POLD3: variants seen among roughly 807,000 people sequenced by gnomAD.
POLD3 encodes the protein DNA polymerase delta 3, accessory subunit.
In POLD3, 19 loss-of-function variants were observed where a neutral mutation model predicts 58.2. The observed-to-expected ratio is 0.33, with a 90% CI of 0.23 to 0.48. The LOEUF (loss-of-function observed/expected upper bound fraction) is 0.48. POLD3 is among the 20% of genes least tolerant of loss of function. POLD3 has a pLI of 0.99. For synonymous variants in POLD3, 172 were observed against 193.5 expected (o/e 0.89, Z 0.92); for missense variants, 504 against 545.5 (o/e 0.92, Z 0.76).
At chr11:74,634,978 T>G (rs1209529488) in intron 10 of POLD3, among the ~76,000 whole-genome samples, 1 of 152,168 alleles carries the variant, frequency 6.6e-6, no homozygotes, top group African/African-American at 2.4e-5. Context: ...GCTGTACAGC[T>G]CCTGTTAGAA....
rs7112403 is a variant in POLD3, at chr11:74,637,193, T to C, written c.1198+918T>C. On this transcript the variant is annotated intron_variant, in intron 11 of 11. Transcript: ENST00000263681. ...TAGTTCAGACTTGTTTTGAAAAGAT[T>C]GGCTCTGAAGAATCAACCTTTCCAG... Among the ~76,000 whole-genome samples the C allele has an allele frequency of 9.3e-3, 1,412 of 152,272 alleles. 27 individuals are homozygous for C. Among genetic ancestry groups the C allele is most frequent in the African/African-American group, 0.032 (1,334 of 41,550 alleles).
chr11:74,601,406 C>T lies in POLD3; in HGVS notation c.117-3286C>T, dbSNP rs116904063. ...AGGTGTTAACAGTCTAGAGGGGATGCGTCATATGTAAAATAAATAGTTAGA... is the reference window on the plus strand; with the variant it reads ...AGGTGTTAACAGTCTAGAGGGGATGTGTCATATGTAAAATAAATAGTTAGA... On this transcript the variant is annotated intron_variant, in intron 2 of 11. Transcript: ENST00000263681. Among the ~76,000 whole-genome samples the T allele has an allele frequency of 6.2e-3, 944 of 152,150 alleles. 4 individuals are homozygous for T. The highest frequency in any genetic ancestry group is 0.014 in the Middle Eastern group (4 of 294).
intron 4 of POLD3, among the ~76,000 whole-genome samples, chr11:74,654,072 C>A (rs2033102064): frequency 6.6e-6 from 1 of 152,160 alleles, no homozygotes; most frequent in South Asian, 2.1e-4. Flanking sequence ...GAGGACAACA[C>A]CAAACCATGA....
intron 2 of POLD3, among the ~76,000 whole-genome samples, chr11:74,600,743 A>G (rs7932731): frequency 0.39 from 37,258 of 95,050 alleles, 5,586 homozygotes; most frequent in Middle Eastern, 0.55. Flanking sequence ...TTGAGATAGG[A>G]TTTTGCTCTT....
At position 74,640,777 on chromosome 11, in the gene POLD3, C is replaced by T; in HGVS notation, c.*11C>T. ...TTCCAGAGGAAATAAACTGCCATCT[C>T]TGGTAGATCAGAGACTTGGAGTGGT... is the stretch of plus-strand genomic sequence containing the variant. On this transcript the variant is annotated 3_prime_UTR_variant, in exon 12 of 12. Transcript: ENST00000263681. The T allele has an allele frequency of 1.3e-6, 2 of 1,569,568 alleles. No homozygotes were observed. Among genetic ancestry groups the T allele is most frequent in the Non-Finnish European group, 1.7e-6 (2 of 1,162,186 alleles).
intron 5 of POLD3, among the ~76,000 whole-genome samples, chr11:74,617,252 C>T (rs1318155274): frequency 1.3e-5 from 2 of 152,122 alleles, no homozygotes; most frequent in Non-Finnish European, 2.9e-5. Flanking sequence ...TTTAATATGC[C>T]ACACAAGCTG....
downstream of POLD3, among the ~76,000 whole-genome samples, chr11:74,645,135 T>C (rs2135189505): frequency 6.6e-6 from 1 of 152,202 alleles, no homozygotes; most frequent in East Asian, 1.9e-4. Flanking sequence ...AATTTAGGAA[T>C]GAATTAGGAT....
At chr11:74,664,228 C>T (rs1168995937) in intron 4 of POLD3, among the ~76,000 whole-genome samples, 1 of 152,128 alleles carries the variant, frequency 6.6e-6, no homozygotes, top group Non-Finnish European at 1.5e-5. Context: ...GGAACTTTCT[C>T]ATAAAGTTAC....
chr11:74,653,572 C>A (rs1475676395), intron 4 of POLD3, among the ~76,000 whole-genome samples: 1 of 151,754 alleles, frequency 6.6e-6, no homozygotes, highest in Admixed American at 6.6e-5. Context: ...AGTTAATAAG[C>A]CAATAATGCA....
intron 2 of POLD3, among the ~76,000 whole-genome samples, chr11:74,602,716 C>G (rs991234971): frequency 2.0e-5 from 3 of 152,246 alleles, no homozygotes; most frequent in African/African-American, 4.8e-5. Context: ...TCTCAACTTT[C>G]TAATGGCTTC....
chr11:74,612,807 G>A, intron 4 of POLD3, 71 bp from the exon 5 acceptor site: 1 of 1,365,026 alleles, frequency 7.3e-7, no homozygotes, highest in Admixed American at 2.1e-5. Context: ...ATGCAGAAGG[G>A]TTTCTTGTTA....
chr11:74,607,057 T>C (rs2031702300), intron 3 of POLD3, among the ~76,000 whole-genome samples: 1 of 152,044 alleles, frequency 6.6e-6, no homozygotes, highest in South Asian at 2.1e-4. Context: ...TGACCAAATG[T>C]GGATGCTTAC....
intron 2 of POLD3, among the ~76,000 whole-genome samples, chr11:74,601,139 G>T (rs2031481541): frequency 6.6e-6 from 1 of 152,220 alleles, no homozygotes; most frequent in African/African-American, 2.4e-5. Context: ...ATATGGGCAG[G>T]ACTATTAGTT....
intron 2 of POLD3, among the ~76,000 whole-genome samples, chr11:74,602,067 A>G (rs1195840527): frequency 6.6e-6 from 1 of 152,180 alleles, no homozygotes; most frequent in Non-Finnish European, 1.5e-5. Context: ...GTTGATCCTT[A>G]GGGGATGAGA....
intron 9 of POLD3, among the ~76,000 whole-genome samples, chr11:74,633,078 TAA>T (rs375215936): frequency 6.6e-4 from 101 of 152,318 alleles, no homozygotes; most frequent in African/African-American, 2.4e-3. Flanking sequence ...TTTCTTTGGT[TAA>T]GTCAACTGGT....
Position 74,629,259 on chromosome 11 carries a change from T to C in POLD3, c.942T>C (p.Thr314=), listed in dbSNP as rs573979438. ...TATCTGATGATGAGACAAAGGAAACTGAAAACATGAGGAAAAAGAGGAGAA... is the reference window on the plus strand; with the variant it reads ...TATCTGATGATGAGACAAAGGAAACCGAAAACATGAGGAAAAAGAGGAGAA... The part of the protein sequence containing the change: ...VALSDDETKE[T]ENMRKKRRRI... Residue 314 remains threonine (T), a synonymous_variant, in exon 9 of 12, where the codon ACT becomes ACC. Transcript: ENST00000263681. 4 of 1,608,610 alleles carry C rather than the reference T, an allele frequency of 2.5e-6. No homozygotes were observed. In the African/African-American group the frequency reaches 5.4e-5, roughly 22 times the overall value.
chr11:74,593,757 T>C (rs1426326325), intron 1 of POLD3, among the ~76,000 whole-genome samples: 1 of 152,160 alleles, frequency 6.6e-6, no homozygotes, highest in African/African-American at 2.4e-5. Context: ...AAAAACATCA[T>C]GAGGAAAGGG....
rs970898595 is a variant in POLD3, at chr11:74,641,751, A to C, written c.*985A>C. 3.5e-5 allele frequency: 34 copies of C among 985,284 alleles called. No individual in the cohort carries two copies. Among genetic ancestry groups the C allele is most frequent in the Non-Finnish European group, 4.1e-5 (34 of 829,882 alleles). The allele number at this position is 985,284 out of a possible 1,614,324, so 61.0% of individuals were successfully genotyped here. ...GCACTTTTCCAGGAAGTTAGTGAGG[A>C]AGATAAGGCACACATTTATTTATAA... On this transcript the variant is annotated 3_prime_UTR_variant, in exon 12 of 12. Transcript: ENST00000263681.
In POLD3 at chr11:74,609,372, ATTTTTTTTT is replaced by A. The variant is rs869157886; in HGVS notation, c.220-2109_220-2101del. ...TATATATATATATATATATATATAT[ATTTTTTTTT>A]TTTTTTTTTTTTTTTTTGAGATGGA... On this transcript the variant is annotated intron_variant, in intron 3 of 11. Coordinates refer to ENST00000263681, the MANE Select transcript of POLD3 (RefSeq NM_006591.3). Among the ~76,000 whole-genome samples the A allele has an allele frequency of 1.0e-2, 270 of 27,040 alleles. 1 individual carries two copies. The highest frequency in any genetic ancestry group is 0.043 in the African/African-American group (226 of 5,238). 17.7% of individuals were successfully genotyped at this position (27,040 alleles called of 152,430 possible).
Sources: allele counts gnomAD v4.1 joint callset (sites outside exome capture counted in the v4.1 genomes callset), GRCh38; gene constraint gnomAD v4.1.1; transcripts MANE v1.5; gene names NCBI Gene and HGNC (gene_info 2026-07-23, HGNC 2026-07-21).